ERICH6B: variants seen among roughly 807,000 people sequenced by gnomAD.
ERICH6B encodes the protein glutamate rich 6B.
Under a neutral mutation model 80.0 loss-of-function variants are expected in ERICH6B, and 69 were observed. The ratio of observed to expected loss-of-function variants is 0.86; its 90% CI spans 0.71 to 1.05. The LOEUF (loss-of-function observed/expected upper bound fraction) is 1.05. Ranked by LOEUF, ERICH6B falls within the 50% of genes least tolerant of loss-of-function variation. The pLI is 0.00. For missense variants in ERICH6B, 754 were observed against 796.1 expected (o/e 0.95, Z 0.64); for synonymous variants, 283 against 291.9 (o/e 0.97, Z 0.31).
intron 3 of ERICH6B, among the ~76,000 whole-genome samples, chr13:45,591,811 G>A (rs1262720974): frequency 6.6e-6 from 1 of 152,100 alleles, no homozygotes; most frequent in African/African-American, 2.4e-5. Context: ...ACTTATGTGT[G>A]AATTAGCTTT....
chr13:45,613,940 C>A (rs11839962), intron 1 of ERICH6B, among the ~76,000 whole-genome samples: 3,742 of 152,200 alleles, frequency 0.025, 146 homozygotes, highest in African/African-American at 0.084. Context: ...TGGCTGAGGT[C>A]TGGAAGGGCT....
At chr13:45,552,671 GC>G (rs1343600533) in intron 11 of ERICH6B, among the ~76,000 whole-genome samples, 2 of 151,604 alleles carry the variant, frequency 1.3e-5, no homozygotes, top group Non-Finnish European at 2.9e-5. Context: ...AAAAAATATT[GC>G]CTCTTATTGT....
At chr13:45,606,535 ATATATATATATATTTTT>A (rs1949865182) in intron 2 of ERICH6B, among the ~76,000 whole-genome samples, 7 of 14,456 alleles carry the variant, frequency 4.8e-4, no homozygotes, top group African/African-American at 3.9e-4. Context: ...ATATATATAT[ATATATATATATATTTTT>A]TTTTTTTTTT....
At chr13:45,606,503 G>GTGTGTA in intron 2 of ERICH6B, among the ~76,000 whole-genome samples, 1 of 32,774 alleles carries the variant, frequency 3.1e-5, no homozygotes, top group Non-Finnish European at 4.9e-5. Flanking sequence ...AAAAGTGTAT[G>GTGTGTA]TGTATATATA....
At chr13:45,558,747 T>C (rs1435965357) in intron 11 of ERICH6B, among the ~76,000 whole-genome samples, 1 of 152,224 alleles carries the variant, frequency 6.6e-6, no homozygotes, top group East Asian at 1.9e-4. Context: ...TTGACTTGGA[T>C]ATGGTAAACC....
intron 8 of ERICH6B, among the ~76,000 whole-genome samples, chr13:45,573,089 A>C (rs908642421): frequency 6.6e-6 from 1 of 152,096 alleles, no homozygotes; most frequent in Non-Finnish European, 1.5e-5. Flanking sequence ...AACTGCTAGA[A>C]ATTTATTCTT....
intron 8 of ERICH6B, among the ~76,000 whole-genome samples, chr13:45,571,705 A>G (rs1018131646): frequency 6.6e-6 from 1 of 152,188 alleles, no homozygotes; most frequent in Non-Finnish European, 1.5e-5. Flanking sequence ...TCGTTTGGAG[A>G]TAGGTTCTTC....
rs1395650261 is a variant in ERICH6B, at chr13:45,606,527, ATATATATATATATATATATATTTTTTTT to A, written c.-59+1009_-59+1036del. 3.3e-3 allele frequency among the ~76,000 whole-genome samples: 104 copies of A among 31,932 alleles called. 4 individuals are homozygous for A. Among genetic ancestry groups the A allele is most frequent in the African/African-American group, 0.012 (88 of 7,576 alleles). The allele number at this position is 31,932 out of a possible 152,430, so 20.9% of individuals were successfully genotyped here. A position where few individuals can be genotyped will look rare whatever the true frequency, so the allele number is the denominator to read the frequency against. ...TGTGTATATATATATATATATATATATATATATATATATATATATATTTTTTTTTTTTTTTTTTTTTTTGGAGACAGAG... is the reference window on the plus strand; with the variant it reads ...TGTGTATATATATATATATATATATATTTTTTTTTTTTTTTGGAGACAGAG... On this transcript the variant is annotated intron_variant, in intron 2 of 14. Coordinates refer to ENST00000298738, the MANE Select transcript of ERICH6B (RefSeq NM_182542.3).
At chr13:45,573,741 T>C (rs1875268292) in intron 8 of ERICH6B, among the ~76,000 whole-genome samples, 1 of 152,214 alleles carries the variant, frequency 6.6e-6, no homozygotes, top group Non-Finnish European at 1.5e-5. Context: ...ATGGAAGATG[T>C]GTCTGTCACC....
intron 11 of ERICH6B, 128 bp from the exon 12 acceptor site, chr13:45,550,444 G>A (rs1874175706): frequency 1.5e-6 from 1 of 665,028 alleles, no homozygotes; most frequent in Non-Finnish European, 2.6e-6. Flanking sequence ...TCAACTTGCT[G>A]GGGAGCTGCG....
chr13:45,555,094 G>C (rs2137968200), intron 11 of ERICH6B, among the ~76,000 whole-genome samples: 1 of 152,282 alleles, frequency 6.6e-6, no homozygotes, highest in South Asian at 2.1e-4. Flanking sequence ...GGGGCGCCAT[G>C]GTGGGTAGAT....
chr13:45,570,828 T>C (rs867141871), intron 8 of ERICH6B, among the ~76,000 whole-genome samples: 9 of 151,312 alleles, frequency 5.9e-5, no homozygotes, highest in Admixed American at 1.3e-4. Context: ...ACTCACTCCA[T>C]TGCAGCTGCA....
At chr13:45,612,054 A>G (rs1275226140) in intron 1 of ERICH6B, among the ~76,000 whole-genome samples, 1 of 152,228 alleles carries the variant, frequency 6.6e-6, no homozygotes, top group African/African-American at 2.4e-5. Context: ...TGAACCAGAT[A>G]CAGGTATTTA....
chr13:45,583,292 A>G (rs539435145), intron 5 of ERICH6B, among the ~76,000 whole-genome samples: 3 of 152,226 alleles, frequency 2.0e-5, no homozygotes, highest in East Asian at 1.9e-4. Context: ...GCTCAATTCT[A>G]TTTTAAATGG....
At chr13:45,552,870 A>T in intron 11 of ERICH6B, 1 of 181,524 alleles carries the variant, frequency 5.5e-6, no homozygotes. Context: ...TTAAAAGTTC[A>T]TCCATCAGGA....
At chr13:45,603,237 A>T (rs1018578680) in intron 2 of ERICH6B, among the ~76,000 whole-genome samples, 6 of 152,190 alleles carry the variant, frequency 3.9e-5, no homozygotes, top group African/African-American at 1.4e-4. Context: ...ATTGGTGAAG[A>T]TGATCTTCTT....
intron 12 of ERICH6B, 72 bp downstream of exon 12, chr13:45,550,159 C>G: frequency 2.0e-6 from 3 of 1,532,964 alleles, no homozygotes; most frequent in Middle Eastern, 1.7e-4. Context: ...AACCCCTTAC[C>G]CCATAAAAAA....
intron 2 of ERICH6B, among the ~76,000 whole-genome samples, chr13:45,599,363 G>T (rs116061751): frequency 8.5e-4 from 130 of 152,280 alleles, no homozygotes; most frequent in African/African-American, 3.1e-3. Context: ...GAAGCATTTT[G>T]TGTTGGGTGG....
At chr13:45,563,669 C>G in intron 10 of ERICH6B, 58 bp downstream of exon 10, 1 of 1,420,954 alleles carries the variant, frequency 7.0e-7, no homozygotes, top group Admixed American at 2.0e-5. Context: ...AGGGGAGAGG[C>G]GGTGGGATGC....
Sources: gnomAD v4.1 joint callset for allele counts (sites outside exome capture counted in the v4.1 genomes callset) on GRCh38, gnomAD v4.1.1 for gene constraint, MANE v1.5 for transcripts, NCBI Gene and HGNC (gene_info 2026-07-23, HGNC 2026-07-21) for gene names.